SUSD1: variants seen among roughly 807,000 people sequenced by gnomAD.
The protein encoded by SUSD1 is sushi domain containing 1, also known as sushi domain-containing protein 1.
A neutral mutation model predicts 86.9 loss-of-function variants in SUSD1; 65 were observed. The ratio of observed to expected loss-of-function variants is 0.75; its 90% CI spans 0.61 to 0.92. The LOEUF (loss-of-function observed/expected upper bound fraction) is 0.92, where lower values mean the gene tolerates loss of function less well. SUSD1 is among the 40% of genes least tolerant of loss of function. SUSD1 has a pLI of 0.00. For missense variants in SUSD1, 850 were observed against 929.7 expected, an observed-to-expected ratio of 0.91 and a Z score of 1.11; for synonymous variants, 346 against 350.0, an observed-to-expected ratio of 0.99 and a Z score of 0.13.
chr9:112,084,641 G>A (rs1372922611), intron 10 of SUSD1, among the ~76,000 whole-genome samples: 1 of 152,144 alleles, frequency 6.6e-6, no homozygotes, highest in Non-Finnish European at 1.5e-5. Flanking sequence ...TTGAACCCAT[G>A]ATGCATTCAA....
At chr9:112,138,194 A>C in intron 5 of SUSD1, among the ~76,000 whole-genome samples, 1 of 45,198 alleles carries the variant, frequency 2.2e-5, no homozygotes, top group East Asian at 1.0e-3. Context: ...ACTGCACTCC[A>C]GCCTGGGCAA....
chr9:112,089,548 G>A (rs151052184), intron 10 of SUSD1, among the ~76,000 whole-genome samples: 7,399 of 152,070 alleles, frequency 0.049, 614 homozygotes, highest in African/African-American at 0.17. Flanking sequence ...GGCCAGGTGC[G>A]GTGGCTCACA....
At chr9:112,068,098 CTGCT>C (rs1829070813) in intron 12 of SUSD1, among the ~76,000 whole-genome samples, 11 of 152,296 alleles carry the variant, frequency 7.2e-5, no homozygotes, top group Admixed American at 6.5e-5. Flanking sequence ...GACATGCTTT[CTGCT>C]TTCTGGGAGC....
At chr9:112,094,917 A>C (rs1830334151) in intron 10 of SUSD1, among the ~76,000 whole-genome samples, 1 of 152,234 alleles carries the variant, frequency 6.6e-6, no homozygotes, top group Non-Finnish European at 1.5e-5. Flanking sequence ...AGTGAGTTTC[A>C]AGGTGGCATT....
chr9:112,151,000 T>C (rs577218804), intron 2 of SUSD1, among the ~76,000 whole-genome samples: 1 of 152,300 alleles, frequency 6.6e-6, no homozygotes, highest in East Asian at 1.9e-4. Flanking sequence ...ACTGGCACGA[T>C]CATAGCTCAC....
rs770331098 is a variant in SUSD1, at chr9:112,042,190, C to T, written c.2150-230G>A. The T allele has an allele frequency of 4.6e-6, 7 of 1,534,398 alleles. No individual in the cohort carries two copies. The South Asian group carries it at 8.3e-5, about 18-fold the overall frequency. Reference sequence around the variant, plus strand: ...TCTGAAAAGGAAGTGTAAAGCCAGACCATGTTAAAGTTACAAGGGAGAAAA... The same window carrying T: ...TCTGAAAAGGAAGTGTAAAGCCAGATCATGTTAAAGTTACAAGGGAGAAAA... On this transcript the variant is annotated intron_variant, in intron 15 of 16. Coordinates refer to ENST00000374270, the MANE Select transcript of SUSD1 (RefSeq NM_022486.5).
intron 10 of SUSD1, among the ~76,000 whole-genome samples, chr9:112,090,410 AT>A (rs1447995825): frequency 1.3e-5 from 2 of 152,344 alleles, no homozygotes; most frequent in Non-Finnish European, 2.9e-5. Context: ...ATTTCATAGA[AT>A]TTGATGGATT....
At chr9:112,103,953 T>C (rs1830728835) in intron 8 of SUSD1, among the ~76,000 whole-genome samples, 1 of 152,202 alleles carries the variant, frequency 6.6e-6, no homozygotes, top group South Asian at 2.1e-4. Flanking sequence ...GTTCCCAAAC[T>C]GCACATCAGA....
chr9:112,080,753 C>T (rs1169460529), intron 10 of SUSD1, among the ~76,000 whole-genome samples: 1 of 151,724 alleles, frequency 6.6e-6, no homozygotes, highest in Admixed American at 6.6e-5. Flanking sequence ...TGCAAGCTTC[C>T]TTGGCTTACT....
intron 10 of SUSD1, among the ~76,000 whole-genome samples, chr9:112,091,133 C>T (rs567121077): frequency 6.6e-6 from 1 of 152,002 alleles, no homozygotes; most frequent in South Asian, 2.1e-4. Context: ...AAAATATATG[C>T]CAATTTCTGG....
intron 12 of SUSD1, among the ~76,000 whole-genome samples, chr9:112,069,161 G>A (rs898764565): frequency 5.3e-5 from 8 of 152,138 alleles, no homozygotes; most frequent in Non-Finnish European, 7.4e-5. Context: ...GCGGACCACC[G>A]AGAAACCCAG....
intron 1 of SUSD1, among the ~76,000 whole-genome samples, chr9:112,170,594 T>C (rs1307630786): frequency 6.6e-6 from 1 of 151,944 alleles, no homozygotes; most frequent in Non-Finnish European, 1.5e-5. Flanking sequence ...TTCAACTGAC[T>C]TCAGCTCTCC....
In SUSD1 at chr9:112,058,497, A is replaced by G. The variant is rs757665047; in HGVS notation, c.2040T>C (p.Tyr680=). The change falls in exon 14 of 17, where the codon TAT becomes TAC. Residue 680 remains tyrosine, a synonymous_variant. Coordinates refer to ENST00000374270, the MANE Select transcript of SUSD1 (RefSeq NM_022486.5). ...PIGDRLYYGE[Y]YNAPLKRGSD... ...TCCCTCTTTTCAAGGGTGCATTATA[A>G]TATTCCCCATAGTACAGCCTGTCTC... 8.1e-6 allele frequency: 13 copies of G among 1,614,094 alleles called. No individual in the cohort carries two copies. In the East Asian group the frequency reaches 2.7e-4, roughly 33 times the overall value.
At chr9:112,172,196 CA>C (rs11332622) in intron 1 of SUSD1, among the ~76,000 whole-genome samples, 113,917 of 140,374 alleles carry the variant, frequency 0.81, 46,076 homozygotes, top group African/African-American at 0.9. Flanking sequence ...GAGACTGTCT[CA>C]AAAAAAAAAA....
intron 1 of SUSD1, among the ~76,000 whole-genome samples, chr9:112,170,905 G>T (rs1170945983): frequency 1.3e-5 from 2 of 151,988 alleles, no homozygotes; most frequent in African/African-American, 4.8e-5. Context: ...TAGAGATGGG[G>T]TTTCACCATG....
intron 8 of SUSD1, among the ~76,000 whole-genome samples, chr9:112,105,874 G>A (rs1414104132): frequency 6.6e-6 from 1 of 152,118 alleles, no homozygotes; most frequent in Non-Finnish European, 1.5e-5. Flanking sequence ...CACATAATAG[G>A]TGGTCAATAA....
chr9:112,080,053 C>A lies in SUSD1; in HGVS notation c.1566+21G>T, dbSNP rs199528391. 6.5e-6 allele frequency: 10 copies of A among 1,544,116 alleles called. No individual in the cohort carries two copies. In the African/African-American group the frequency reaches 1.4e-4, roughly 21 times the overall value. On this transcript the variant is annotated intron_variant, in intron 11 of 16. Coordinates refer to ENST00000374270, the MANE Select transcript of SUSD1 (RefSeq NM_022486.5). ...CACATAAGACAACCATCTATAAATA[C>A]AGTAACTTTCAGTCACTTACTAAAT...
intron 12 of SUSD1, among the ~76,000 whole-genome samples, chr9:112,069,696 G>A (rs533127856): frequency 2.4e-3 from 147 of 61,114 alleles, no homozygotes; most frequent in Non-Finnish European, 3.9e-3. Context: ...ACCCCGCCCC[G>A]CCCCCACCAG....
intron 5 of SUSD1, among the ~76,000 whole-genome samples, chr9:112,138,386 T>C (rs1832407463): frequency 6.8e-6 from 1 of 148,070 alleles, no homozygotes; most frequent in Non-Finnish European, 1.5e-5. Context: ...AGGAACTTTT[T>C]CAAAATTAAG....
Sources: allele counts gnomAD v4.1 joint callset (sites outside exome capture counted in the v4.1 genomes callset), GRCh38; gene constraint gnomAD v4.1.1; transcripts MANE v1.5; gene names NCBI Gene and HGNC (gene_info 2026-07-23, HGNC 2026-07-21).